ALPL: variants seen among roughly 807,000 people sequenced by gnomAD.
ALPL encodes alkaline phosphatase, tissue-nonspecific isozyme.
In ALPL, 42 loss-of-function variants were observed where a neutral mutation model predicts 51.3. The ratio of observed to expected loss-of-function variants is 0.82; its 90% confidence interval spans 0.64 to 1.06. The LOEUF (loss-of-function observed/expected upper bound fraction) is 1.06, where lower values mean the gene tolerates loss of function less well. Among genes scored for constraint, ALPL ranks in the 50% least tolerant of loss-of-function variants. The pLI is 0.00. For synonymous variants in ALPL, 279 were observed against 296.4 expected, an observed-to-expected ratio of 0.94 and a Z score of 0.60; for missense variants, 589 against 709.4, an observed-to-expected ratio of 0.83 and a Z score of 1.93.
At chr1:21,576,295 A>C (rs557375114) in intron 10 of ALPL, among the ~76,000 whole-genome samples, 1 of 147,960 alleles carries the variant, frequency 6.8e-6, no homozygotes, top group Admixed American at 6.7e-5. Context: ...GGGTGGATGG[A>C]TGGATGGATG....
intron 1 of ALPL, among the ~76,000 whole-genome samples, chr1:21,553,210 A>T (rs1053245764): frequency 1.5e-4 from 23 of 151,792 alleles, no homozygotes; most frequent in African/African-American, 4.6e-4. Context: ...TATATTTTTT[A>T]AAAATTGTAA....
At chr1:21,536,319 ACAGCTGG>A (rs757530519) in intron 1 of ALPL, among the ~76,000 whole-genome samples, 1 of 152,224 alleles carries the variant, frequency 6.6e-6, no homozygotes, top group Non-Finnish European at 1.5e-5. Context: ...TCTGGCAGAA[ACAGCTGG>A]CAGAATATGA....
At chr1:21,548,757 TC>T (rs990990900) in intron 1 of ALPL, among the ~76,000 whole-genome samples, 1 of 152,154 alleles carries the variant, frequency 6.6e-6, no homozygotes, top group Non-Finnish European at 1.5e-5. Flanking sequence ...TTGTCCCTGC[TC>T]CCTGCCTCCC....
At chr1:21,533,057 C>G (rs1406111780) in intron 1 of ALPL, among the ~76,000 whole-genome samples, 8 of 152,208 alleles carry the variant, frequency 5.3e-5, no homozygotes, top group Admixed American at 5.2e-4. Flanking sequence ...CCCACCAGCC[C>G]TTCCTGGGTC....
chr1:21,535,756 T>C lies in ALPL; in HGVS notation c.-104-18222T>C, dbSNP rs535653800. Among the ~76,000 whole-genome samples, 3 of 152,330 alleles carry C rather than the reference T, an allele frequency of 2.0e-5. No homozygotes were observed. In the East Asian group the frequency reaches 5.8e-4, roughly 29 times the overall value. On this transcript the variant is annotated intron_variant, in intron 1 of 11. Transcript: ENST00000374840. The stretch of plus-strand genomic sequence containing the variant: ...CTTTTTAAACCACTCTGACTGCTCC[T>C]GAGTGGAACAAACTCTCAAAGAAAT...
Position 21,554,012 on chromosome 1 carries a change from GCCCACCCCCT to G in ALPL, c.-62_-53del. On this transcript the variant is annotated 5_prime_UTR_variant, in exon 2 of 12. Coordinates refer to ENST00000374840, the MANE Select transcript of ALPL (RefSeq NM_000478.6). ...ATCAGTTAACATCTGACCACTGCCA[GCCCACCCCCT>G]CCCACCCACGTCGATTGCATCTCTG... is the stretch of plus-strand genomic sequence containing the variant. 1.0e-6 allele frequency: 1 copy of G among 995,212 alleles called. No homozygotes were observed. Among genetic ancestry groups the G allele is most frequent in the Non-Finnish European group, 1.6e-6 (1 of 623,796 alleles). 61.6% of individuals were successfully genotyped at this position (995,212 alleles called of 1,614,324 possible).
intron 1 of ALPL, among the ~76,000 whole-genome samples, chr1:21,545,878 C>T (rs187687228): frequency 4.6e-5 from 7 of 152,110 alleles, no homozygotes; most frequent in African/African-American, 1.2e-4. Flanking sequence ...TACAGTGGCA[C>T]GATCTCAGCT....
rs531872299 is a variant in ALPL at position 21,555,565 on chromosome 1, C to T, written c.61+1423C>T. On this transcript the variant is annotated intron_variant, in intron 2 of 11. Coordinates refer to ENST00000374840, the MANE Select transcript of ALPL (RefSeq NM_000478.6). ...CTGAGTAGCTGGGATTACAGGCGTG[C>T]GCCGCAACACCCGGCTAATTTTTTG... 5.9e-5 allele frequency among the ~76,000 whole-genome samples: 9 copies of T among 152,040 alleles called. No individual in the cohort carries two copies. In the South Asian group the frequency reaches 6.2e-4, roughly 11 times the overall value.
chr1:21,563,696 C>T (rs1644519411), intron 5 of ALPL, among the ~76,000 whole-genome samples: 1 of 152,194 alleles, frequency 6.6e-6, no homozygotes, highest in African/African-American at 2.4e-5. Flanking sequence ...AAGGCCAAAA[C>T]ACAGGTGACA....
chr1:21,517,393 A>G (rs1643820841), intron 1 of ALPL, among the ~76,000 whole-genome samples: 1 of 152,230 alleles, frequency 6.6e-6, no homozygotes, highest in South Asian at 2.1e-4. Flanking sequence ...GGGTTGCCCA[A>G]TCAGATTGGC....
intron 2 of ALPL, among the ~76,000 whole-genome samples, chr1:21,556,458 T>G (rs886151305): frequency 1.3e-5 from 2 of 151,046 alleles, no homozygotes; most frequent in African/African-American, 4.9e-5. Context: ...CTGGGCAACA[T>G]AGTGAGACCT....
chr1:21,552,409 G>T (rs1012073736), intron 1 of ALPL, among the ~76,000 whole-genome samples: 8 of 150,752 alleles, frequency 5.3e-5, no homozygotes, highest in African/African-American at 1.9e-4. Context: ...AACCCGGGGG[G>T]CGGAGGTTGC....
At chr1:21,563,666 A>AG (rs1258808220) in intron 5 of ALPL, among the ~76,000 whole-genome samples, 3 of 152,190 alleles carry the variant, frequency 2.0e-5, no homozygotes, top group Non-Finnish European at 4.4e-5. Context: ...CTGTGCCCCC[A>AG]GAAGCTTTAG....
intron 1 of ALPL, among the ~76,000 whole-genome samples, chr1:21,531,265 T>C (rs528584777): frequency 2.5e-4 from 38 of 152,228 alleles, no homozygotes; most frequent in African/African-American, 8.9e-4. Flanking sequence ...GCCAATTTTT[T>C]GATTTTTTTG....
chr1:21,525,235 A>G (rs1475019191), intron 1 of ALPL, among the ~76,000 whole-genome samples: 1 of 152,240 alleles, frequency 6.6e-6, no homozygotes, highest in African/African-American at 2.4e-5. Context: ...GCCTCTGGCC[A>G]AACGGAGCTC....
At chr1:21,568,315 C>T (rs771933830) in intron 7 of ALPL, 68 bp downstream of exon 7, 2 of 1,605,608 alleles carry the variant, frequency 1.2e-6, no homozygotes, top group Non-Finnish European at 1.7e-6. Flanking sequence ...GTGACCCCTG[C>T]TCTGAAGTTC....
intron 1 of ALPL, among the ~76,000 whole-genome samples, chr1:21,522,369 C>T (rs1318379821): frequency 5.3e-5 from 8 of 152,194 alleles, no homozygotes; most frequent in Admixed American, 2.6e-4. Flanking sequence ...CCACTGCACC[C>T]GGCCAGGTTT....
chr1:21,548,677 G>A (rs1570241515), intron 1 of ALPL, among the ~76,000 whole-genome samples: 2 of 152,242 alleles, frequency 1.3e-5, no homozygotes, highest in Admixed American at 6.5e-5. Context: ...AGTGGGATAC[G>A]TTATCTCACT....
chr1:21,555,561 C>T (rs552848046), intron 2 of ALPL, among the ~76,000 whole-genome samples: 5 of 151,702 alleles, frequency 3.3e-5, no homozygotes, highest in Admixed American at 1.3e-4. Context: ...GGATTACAGG[C>T]GTGCGCCGCA....
Sources: allele counts gnomAD v4.1 joint callset (sites outside exome capture counted in the v4.1 genomes callset), GRCh38; gene constraint gnomAD v4.1.1; transcripts MANE v1.5; gene names NCBI Gene and HGNC (gene_info 2026-07-23, HGNC 2026-07-21).